TRIM14: variants seen among roughly 807,000 people sequenced by gnomAD.
TRIM14 encodes the protein tripartite motif-containing protein 14.
A neutral mutation model predicts 44.5 loss-of-function variants in TRIM14; 28 were observed. The ratio of observed to expected loss-of-function variants is 0.63; its 90% CI spans 0.47 to 0.86. TRIM14 has a LOEUF of 0.86. TRIM14 is among the 40% of genes least tolerant of loss of function. The pLI is 0.00. For missense variants in TRIM14, 607 were observed against 611.1 expected, an observed-to-expected ratio of 0.99 and a Z score of 0.07; for synonymous variants, 299 against 269.2, an observed-to-expected ratio of 1.11 and a Z score of -1.08.
the TRIM14 span, chr9:98,056,747 G>C: frequency 6.5e-7 from 1 of 1,531,284 alleles, no homozygotes; most frequent in East Asian, 2.5e-5. Context: ...ACAGAGTAGA[G>C]GCGGCGGCGG....
intron 2 of TRIM14, among the ~76,000 whole-genome samples, chr9:98,102,022 A>G (rs1826416338): frequency 2.0e-5 from 3 of 151,626 alleles, no homozygotes; most frequent in Admixed American, 6.6e-5. Flanking sequence ...AAAAAAAAAA[A>G]AAAGAAAAGA....
chr9:98,092,461 T>G, intron 4 of TRIM14: 1 of 373,386 alleles, frequency 2.7e-6, no homozygotes. Context: ...CCAGGTTGCC[T>G]CCTTCCCAGC....
At position 98,110,553 on chromosome 9, in the gene TRIM14, C is replaced by G. The variant is rs10985093; in HGVS notation, c.208-569G>C. Among the ~76,000 whole-genome samples the G allele has an allele frequency of 5.2e-4, 79 of 152,176 alleles. No individual in the cohort carries two copies. In the East Asian group the frequency reaches 0.015, roughly 29 times the overall value. ...TCCTTCCCCAAGGGTGTGATCTCGT[C>G]TCCATCTTAGCCTTTCTTACAGCTG... On this transcript the variant is annotated intron_variant, in intron 1 of 5. Transcript: ENST00000341469.
At chr9:98,112,066 TAAC>T (rs1341219000) in intron 1 of TRIM14, among the ~76,000 whole-genome samples, 1 of 151,966 alleles carries the variant, frequency 6.6e-6, no homozygotes, top group Admixed American at 6.6e-5. Context: ...TTCGATCTGT[TAAC>T]AAAAAAAAAT....
At chr9:98,062,777 G>GTTTTTTT in the TRIM14 span, among the ~76,000 whole-genome samples, 1 of 109,312 alleles carries the variant, frequency 9.1e-6, no homozygotes, top group Non-Finnish European at 1.9e-5. Flanking sequence ...AGTTATTTCA[G>GTTTTTTT]TTTTTTTTTT....
chr9:98,109,149 G>A (rs1240821294), intron 2 of TRIM14, among the ~76,000 whole-genome samples: 1 of 152,124 alleles, frequency 6.6e-6, no homozygotes, highest in Non-Finnish European at 1.5e-5. Context: ...CTCCCAAAGT[G>A]CAGAGCAGGG....
At chr9:98,042,078 G>A in the TRIM14 span, among the ~76,000 whole-genome samples, 1 of 151,232 alleles carries the variant, frequency 6.6e-6, no homozygotes, top group African/African-American at 2.4e-5. Context: ...CGGATCACAA[G>A]GTCAGGAGAT....
the TRIM14 span, among the ~76,000 whole-genome samples, chr9:98,050,607 A>G: frequency 6.6e-6 from 1 of 151,924 alleles, no homozygotes; most frequent in Non-Finnish European, 1.5e-5. Context: ...GCCTCCCCTA[A>G]TTTTGTTTTT....
At chr9:98,040,921 T>A in the TRIM14 span, among the ~76,000 whole-genome samples, 1 of 151,380 alleles carries the variant, frequency 6.6e-6, no homozygotes, top group Admixed American at 6.6e-5. Context: ...TCCCAAAGTG[T>A]TGGGATTACA....
chr9:98,103,884 G>A (rs1826499574), intron 2 of TRIM14, among the ~76,000 whole-genome samples: 2 of 149,358 alleles, frequency 1.3e-5, no homozygotes, highest in African/African-American at 5.0e-5. Context: ...CCCTTCCTCA[G>A]CCCAAACATC....
rs1826334352 is a variant in TRIM14, at chr9:98,100,079, T to C, written c.389A>G (p.Lys130Arg). The C allele has an allele frequency of 6.2e-7, 1 of 1,614,210 alleles. No homozygotes were observed. Residue 130 changes from lysine (K) to arginine (R), a missense_variant, in exon 3 of 6, where the codon AAG becomes AGG. Lys to Arg is a conservative substitution (Grantham distance 26, BLOSUM62 2). Around this residue, in one of 3 missense-constraint regions of TRIM14, gnomAD observed 246 missense variants for 270.8 expected, o/e 0.91. Transcript: ENST00000341469. ...CTGCGTGTTTTTATCAATGAATTTCTTGGCCAGCGCTTCCTCTTCGTCAAG... is the reference window on the plus strand; with the variant it reads ...CTGCGTGTTTTTATCAATGAATTTCCTGGCCAGCGCTTCCTCTTCGTCAAG... ...LLLDEEEALA[K>R]KFIDKNTQLT...
rs779218846 is a variant in TRIM14, at chr9:98,077,018, G to A, written c.*29-7331C>T. The A allele has an allele frequency of 1.2e-5, 20 of 1,601,004 alleles. No individual in the cohort carries two copies. Among genetic ancestry groups the A allele is most frequent in the Admixed American group, 1.7e-5 (1 of 58,666 alleles). On this transcript the variant is annotated intron_variant, in intron 6 of 6. Transcript: ENST00000375098. The stretch of plus-strand genomic sequence containing the variant: ...TATCTGGAAAAGACAGCCAAAAAAG[G>A]TAAGTGTCTAATTTTTGACTTAAAA...
the TRIM14 span, among the ~76,000 whole-genome samples, chr9:98,054,870 T>G: frequency 6.8e-4 from 103 of 152,294 alleles, 2 homozygotes; most frequent in East Asian, 0.018. Context: ...TGGTTCACCA[T>G]GCCCACTACC....
the TRIM14 span, among the ~76,000 whole-genome samples, chr9:98,055,896 C>G: frequency 6.6e-6 from 1 of 152,028 alleles, no homozygotes; most frequent in African/African-American, 2.4e-5. Flanking sequence ...CACCACCACG[C>G]CCGGCTAATT....
chr9:98,062,860 A>G, the TRIM14 span, among the ~76,000 whole-genome samples: 1 of 148,686 alleles, frequency 6.7e-6, no homozygotes, highest in Non-Finnish European at 1.5e-5. Flanking sequence ...TCTTTCTTAC[A>G]GCTGCATGTG....
At chr9:98,118,805 G>T (rs1176337629) in intron 1 of TRIM14, among the ~76,000 whole-genome samples, 177 bp downstream of exon 1, 7 of 152,312 alleles carry the variant, frequency 4.6e-5, no homozygotes, top group Non-Finnish European at 2.9e-5. Flanking sequence ...CCTTCCTTGG[G>T]TCTCAGGCTC....
At chr9:98,113,426 C>T (rs1826931612) in intron 1 of TRIM14, among the ~76,000 whole-genome samples, 1 of 152,174 alleles carries the variant, frequency 6.6e-6, no homozygotes, top group Non-Finnish European at 1.5e-5. Flanking sequence ...GCAATCTTGG[C>T]TCACTGCAGC....
chr9:98,066,099 C>T (rs560176062), downstream of TRIM14, among the ~76,000 whole-genome samples: 14 of 152,304 alleles, frequency 9.2e-5, no homozygotes, highest in African/African-American at 3.1e-4. Flanking sequence ...CCCCAGGACA[C>T]AGTTTTTCTA....
chr9:98,090,560 C>CTT (rs56909266), intron 5 of TRIM14, among the ~76,000 whole-genome samples: 73 of 124,240 alleles, frequency 5.9e-4, no homozygotes, highest in Admixed American at 7.4e-4. Context: ...GATTTGTGCA[C>CTT]TTTTTTTTTT....
Sources: allele counts gnomAD v4.1 joint callset (sites outside exome capture counted in the v4.1 genomes callset), GRCh38; gene constraint gnomAD v4.1.1; regional missense constraint gnomAD v4.1.1; transcripts MANE v1.5; gene names NCBI Gene and HGNC (gene_info 2026-07-23, HGNC 2026-07-21).